Variants in SFMBT2 observed in about 807,000 individuals in gnomAD.
The protein encoded by SFMBT2 is scm-like with four MBT domains protein 2.
A neutral mutation model predicts 110.1 loss-of-function variants in SFMBT2; 38 were observed. That is an observed-to-expected ratio of 0.35 (90% CI 0.27 to 0.45). The LOEUF is 0.45. Among genes scored for constraint, SFMBT2 ranks in the 20% least tolerant of loss-of-function variants. SFMBT2 has a pLI of 1.00. For missense variants in SFMBT2, 1,011 were observed against 1,094.9 expected (o/e 0.92, Z 1.08); for synonymous variants, 425 against 425.4 (o/e 1.00, Z 0.01).
rs1288794530 is a variant in SFMBT2 at position 7,179,965 on chromosome 10, G to C, written c.1809-3800C>G. 2.0e-5 allele frequency among the ~76,000 whole-genome samples: 3 copies of C among 152,168 alleles called. 1 individual carries two copies. The highest frequency in any genetic ancestry group is 7.2e-5 in the African/African-American group (3 of 41,440). On this transcript the variant is annotated intron_variant, in intron 16 of 20. Coordinates refer to ENST00000397167, the MANE Select transcript of SFMBT2 (RefSeq NM_001387889.1). ...TGCCCTTCCTGAACAATTCTGTTTA[G>C]AAGCCATGGCAGTGAGGGGTAGAGG...
chr10:7,243,046 G>C (rs1469738569), intron 9 of SFMBT2, among the ~76,000 whole-genome samples: 2 of 152,172 alleles, frequency 1.3e-5, no homozygotes, highest in African/African-American at 4.8e-5. Context: ...TAACAATGTG[G>C]TTCTTGAATC....
intron 7 of SFMBT2, among the ~76,000 whole-genome samples, chr10:7,249,824 G>C (rs2131736033): frequency 6.6e-6 from 1 of 152,288 alleles, no homozygotes; most frequent in African/African-American, 2.4e-5. Context: ...CTATAGAACT[G>C]CATGGACCCT....
Position 7,170,916 on chromosome 10 carries a change from C to T in SFMBT2, c.2544+12G>A. Reference sequence around the variant, plus strand: ...AGCACATCAAACAATCGACACGCGGCAACCACCGTACCTGCTCCTGAAATA... The same window carrying T: ...AGCACATCAAACAATCGACACGCGGTAACCACCGTACCTGCTCCTGAAATA... On this transcript the variant is annotated intron_variant, in intron 20 of 20. Transcript: ENST00000397167. This position sits in a 1 kb window ranked among gnomAD's most constrained non-coding sequence, Gnocchi z 4.6. 6.2e-7 allele frequency: 1 copy of T among 1,614,114 alleles called. No homozygotes were observed. Among genetic ancestry groups the T allele is most frequent in the Non-Finnish European group, 8.5e-7 (1 of 1,179,966 alleles).
chr10:7,370,355 C>G lies in SFMBT2; in HGVS notation c.121G>C (p.Glu41Gln). The G allele has an allele frequency of 6.2e-7, 1 of 1,614,148 alleles. No individual in the cohort carries two copies. Among genetic ancestry groups the G allele is most frequent in the Non-Finnish European group, 8.5e-7 (1 of 1,179,994 alleles). The stretch of plus-strand genomic sequence containing the variant: ...TATTCTCCCCAGTTAAAGCCAGTTT[C>G]CTCCAAGCTTGAGCCTTCTTCTGTT... ...LDSEEGSSLE[E>Q]TGFNWGEYLE... Residue 41 changes from glutamate to glutamine, a missense_variant, in exon 3 of 21, where the codon GAA becomes CAA. This residue lies in a region of SFMBT2 where 979 missense variants were observed against 1,016.1 expected (regional missense o/e 0.96). Transcript: ENST00000397167.
rs181909506 is a variant in SFMBT2 at position 7,323,073 on chromosome 10, A to G, written c.437-37119T>C. On this transcript the variant is annotated intron_variant, in intron 4 of 20. Transcript: ENST00000397167. The stretch of plus-strand genomic sequence containing the variant: ...AGCAGAGAAAGCAAATTGAAAAATT[A>G]TTTATATTGATACCATTTATGGAAA... Among the ~76,000 whole-genome samples, 6 of 152,364 alleles carry G rather than the reference A, an allele frequency of 3.9e-5. No homozygotes were observed. The East Asian group carries it at 1.2e-3, about 29-fold the overall frequency.
At chr10:7,218,440 G>GT (rs1839615059) in intron 11 of SFMBT2, among the ~76,000 whole-genome samples, 1 of 152,204 alleles carries the variant, frequency 6.6e-6, no homozygotes, top group Non-Finnish European at 1.5e-5. Context: ...TCTTTTGTAA[G>GT]TAATGAAAAA....
At chr10:7,320,686 T>A in intron 4 of SFMBT2, 1 of 862,630 alleles carries the variant, frequency 1.2e-6, no homozygotes, top group Non-Finnish European at 1.4e-6. Context: ...ATGAAGAAAG[T>A]AAAGTTTAAA....
At chr10:7,238,698 T>C (rs566391503) in intron 9 of SFMBT2, among the ~76,000 whole-genome samples, 1 of 152,354 alleles carries the variant, frequency 6.6e-6, no homozygotes, top group South Asian at 2.1e-4. Context: ...ACTTCAGCCT[T>C]TGCTCACACC....
At chr10:7,277,099 G>T in intron 6 of SFMBT2, 110 bp from the exon 7 acceptor site, 1 of 696,606 alleles carries the variant, frequency 1.4e-6, no homozygotes, top group South Asian at 1.6e-5. Flanking sequence ...CACGGTCAGT[G>T]ACCGTGAGTG....
intron 4 of SFMBT2, among the ~76,000 whole-genome samples, chr10:7,355,635 AC>A (rs1202564605): frequency 2.0e-5 from 3 of 152,190 alleles, no homozygotes; most frequent in Non-Finnish European, 4.4e-5. Context: ...AGATAGTGAA[AC>A]CCCTTCTCTA....
intron 4 of SFMBT2, among the ~76,000 whole-genome samples, chr10:7,298,907 A>G (rs924534798): frequency 1.3e-5 from 2 of 152,164 alleles, no homozygotes; most frequent in Non-Finnish European, 2.9e-5. Context: ...AGAAAATATT[A>G]TTACATTAAA....
rs780337257 is a variant in SFMBT2, at chr10:7,381,916, C to T, written c.-18G>A. 9.6e-5 allele frequency: 149 copies of T among 1,556,688 alleles called. 1 individual carries two copies. Among genetic ancestry groups the T allele is most frequent in the Non-Finnish European group, 1.3e-4 (144 of 1,146,732 alleles). The stretch of plus-strand genomic sequence containing the variant: ...CTCTCCATGCCTGATGAGCAAGTGT[C>T]TCTTCTCTTAATTCATCCTGCAGAA... On this transcript the variant is annotated 5_prime_UTR_variant, in exon 2 of 21. Coordinates refer to ENST00000397167, the MANE Select transcript of SFMBT2 (RefSeq NM_001387889.1).
intron 11 of SFMBT2, chr10:7,219,721 G>A (rs1839662902): frequency 1.3e-5 from 5 of 384,522 alleles, no homozygotes; most frequent in Non-Finnish European, 1.8e-5. Context: ...AAAAACCAAA[G>A]AATTATAAAT....
intron 1 of SFMBT2, among the ~76,000 whole-genome samples, chr10:7,401,376 C>T (rs1039705742): frequency 9.9e-5 from 15 of 152,278 alleles, no homozygotes; most frequent in African/African-American, 3.4e-4. Context: ...GGTCAAAGGA[C>T]ACAACAGGAT....
At chr10:7,246,076 T>C in intron 8 of SFMBT2, 2 of 821,716 alleles carry the variant, frequency 2.4e-6, no homozygotes, top group Non-Finnish European at 2.9e-6. Flanking sequence ...GGTGCCTACC[T>C]AGGTTCTAAA....
chr10:7,358,055 CCCTAGAACATCTGCATGGG>C (rs1253638149), intron 4 of SFMBT2, among the ~76,000 whole-genome samples: 5 of 151,964 alleles, frequency 3.3e-5, no homozygotes, highest in Middle Eastern at 3.4e-3. Flanking sequence ...ATCAACATGG[CCCTAGAACATCTGCATGGG>C]CCTAGAACAT....
At chr10:7,340,046 A>G (rs967317165) in intron 4 of SFMBT2, among the ~76,000 whole-genome samples, 1 of 152,210 alleles carries the variant, frequency 6.6e-6, no homozygotes, top group Non-Finnish European at 1.5e-5. Flanking sequence ...AGTGAAAGCC[A>G]TGCAGGTTCC....
At chr10:7,329,669 T>G (rs545124873) in intron 4 of SFMBT2, 35 of 235,664 alleles carry the variant, frequency 1.5e-4, no homozygotes, top group Admixed American at 2.6e-4. Flanking sequence ...AACCGGGGCC[T>G]TGGCTGGGAA....
rs1234408422 is a variant in SFMBT2 at position 7,220,395 on chromosome 10, C to T, written c.1330+16G>A. ...TACATTCCCCCCAGCGACTGCTACC[C>T]CCAGCGAGTACGTACCTTCCAGGTG... On this transcript the variant is annotated intron_variant, in intron 11 of 20. Transcript: ENST00000397167. 3 of 1,611,746 alleles carry T rather than the reference C, an allele frequency of 1.9e-6. No homozygotes were observed. Among genetic ancestry groups the T allele is most frequent in the Admixed American group, 1.7e-5 (1 of 59,850 alleles).
Sources: allele counts gnomAD v4.1 joint callset (sites outside exome capture counted in the v4.1 genomes callset), GRCh38; gene constraint gnomAD v4.1.1; regional missense constraint gnomAD v4.1.1; non-coding constraint Gnocchi (gnomAD v3.1); transcripts MANE v1.5; gene names NCBI Gene and HGNC (gene_info 2026-07-23, HGNC 2026-07-21).